BMP2K: variants seen among roughly 807,000 people sequenced by gnomAD.
The protein encoded by BMP2K is BMP2 inducible kinase.
Under a neutral mutation model 116.0 loss-of-function variants are expected in BMP2K, and 74 were observed. The observed-to-expected ratio is 0.64, with a 90% confidence interval of 0.53 to 0.77. The LOEUF is 0.77. Ranked by LOEUF, BMP2K falls within the 30% of genes least tolerant of loss-of-function variation. BMP2K has a pLI of 0.00. For synonymous variants in BMP2K, 486 were observed against 502.5 expected (o/e 0.97, Z 0.44); for missense variants, 1,365 against 1,403.6 (o/e 0.97, Z 0.44).
chr4:78,826,161 T>A lies in BMP2K; in HGVS notation c.297+6T>A. 6.3e-7 allele frequency: 1 copy of A among 1,591,528 alleles called. No homozygotes were observed. Among genetic ancestry groups the A allele is most frequent in the Non-Finnish European group, 8.6e-7 (1 of 1,161,188 alleles). ...AAAGGGAAATTACAATTATGGTAAG[T>A]GAAGGAGTAGTTCTCTTTCAGAAAT... is the stretch of plus-strand genomic sequence containing the variant. On this transcript the variant is annotated splice_donor_region_variant and intron_variant, in intron 2 of 15. Transcript: ENST00000502613.
intron 1 of BMP2K, among the ~76,000 whole-genome samples, chr4:78,796,153 A>G (rs1028083389): frequency 6.6e-6 from 1 of 152,164 alleles, no homozygotes; most frequent in African/African-American, 2.4e-5. Flanking sequence ...AATGTCCAAC[A>G]ATGATAGACT....
rs138988388 is a variant in BMP2K at position 78,865,651 on chromosome 4, A to C, written c.1162A>C (p.Thr388Pro). 4.6e-4 allele frequency: 750 copies of C among 1,614,150 alleles called. 3 individuals carry two copies. The highest frequency in any genetic ancestry group is 3.6e-3 in the South Asian group (325 of 91,082). The change falls in exon 10 of 16, where the codon ACC (threonine) becomes CCC (proline). Residue 388 changes from threonine (T) to proline (P), a missense_variant. Physicochemically the swap from Thr to Pro is conservative, Grantham distance 38 (BLOSUM62 -1). Coordinates refer to ENST00000502613, the MANE Select transcript of BMP2K (RefSeq NM_198892.2). The stretch of plus-strand genomic sequence containing the variant: ...TACTACTGCCACTCCCAGTGTGCTG[A>C]CCATTCAAAGTTCAGCAACACCTGT... ...SATTATPSVL[T>P]IQSSATPVKV... is the part of the protein sequence containing the mutation.
intron 14 of BMP2K, among the ~76,000 whole-genome samples, chr4:78,882,841 A>C (rs901485920): frequency 6.6e-6 from 1 of 152,044 alleles, no homozygotes; most frequent in Non-Finnish European, 1.5e-5. Flanking sequence ...GATAATGGCT[A>C]TAAGCATCTG....
In BMP2K at chr4:78,873,656, CTCTGTGTGTG is replaced by C. The variant is rs1176781889; in HGVS notation, c.1793+860_1793+869del. On this transcript the variant is annotated intron_variant, in intron 13 of 15. Transcript: ENST00000502613. Reference sequence around the variant, plus strand: ...AGTTTGCTATAGAATGCCTCCCAACCTCTGTGTGTGTGTGTGTGTGTGTGTGTGTGTGTGT... The same window carrying C: ...AGTTTGCTATAGAATGCCTCCCAACCTGTGTGTGTGTGTGTGTGTGTGTGT... Among the ~76,000 whole-genome samples, 433 of 138,192 alleles carry C rather than the reference CTCTGTGTGTG, an allele frequency of 3.1e-3. 2 individuals are homozygous for C. Among genetic ancestry groups the C allele is most frequent in the African/African-American group, 0.011 (403 of 35,498 alleles). The allele number at this position is 138,192 out of a possible 152,430, so 90.7% of individuals were successfully genotyped here.
chr4:78,816,767 T>A (rs756681389), intron 1 of BMP2K, among the ~76,000 whole-genome samples: 9 of 152,294 alleles, frequency 5.9e-5, no homozygotes, highest in Non-Finnish European at 1.2e-4. Context: ...TTCCCTCTTA[T>A]GGGAAATCAG....
chr4:78,805,399 G>A (rs1728768350), intron 1 of BMP2K, among the ~76,000 whole-genome samples: 1 of 152,006 alleles, frequency 6.6e-6, no homozygotes, highest in Admixed American at 6.6e-5. Flanking sequence ...TGGGTCCTTT[G>A]AATTTTCATA....
At chr4:78,898,739 C>G (rs1303924513) in intron 15 of BMP2K, 1 of 150,614 alleles carries the variant, frequency 6.6e-6, no homozygotes, top group Non-Finnish European at 1.5e-5. Context: ...TGAGAAATAA[C>G]TTTATATGTA....
chr4:78,909,055 CTTTTTTTTTTTTT>C (rs1053664659), intron 15 of BMP2K, among the ~76,000 whole-genome samples: 1 of 94,412 alleles, frequency 1.1e-5, no homozygotes, highest in East Asian at 3.3e-4. Flanking sequence ...TTCCCTTAGT[CTTTTTTTTTTTTT>C]TTTTTTTTTT....
At position 78,854,139 on chromosome 4, in the gene BMP2K, G is replaced by T. The variant is rs372779892; in HGVS notation, c.883+3083G>T. The stretch of plus-strand genomic sequence containing the variant: ...TTACCTCCTTATTTTGTGCAGTAAG[G>T]TAATGATGAACACCAGGTAAAAGCT... On this transcript the variant is annotated intron_variant, in intron 7 of 15. Transcript: ENST00000502613. Among the ~76,000 whole-genome samples, 116 of 147,108 alleles carry T rather than the reference G, an allele frequency of 7.9e-4. 1 individual carries two copies. In the East Asian group the frequency reaches 0.021, roughly 27 times the overall value.
intron 1 of BMP2K, among the ~76,000 whole-genome samples, chr4:78,806,186 A>C (rs1304928798): frequency 6.6e-6 from 1 of 151,664 alleles, no homozygotes; most frequent in East Asian, 1.9e-4. Flanking sequence ...ATATATTTAA[A>C]TTTTTAGGAT....
chr4:78,851,282 T>TA (rs1181166793), intron 7 of BMP2K, among the ~76,000 whole-genome samples: 2 of 152,056 alleles, frequency 1.3e-5, no homozygotes, highest in African/African-American at 4.8e-5. Context: ...TAAGATTTAG[T>TA]AGCACACACC....
chr4:78,870,761 A>G (rs773315901), intron 10 of BMP2K, 22 bp from the exon 11 acceptor site: 1 of 1,591,054 alleles, frequency 6.3e-7, no homozygotes. Context: ...ATGTTAATGT[A>G]AGTGTTTGGA....
At chr4:78,892,983 A>C (rs753198881) in intron 15 of BMP2K, among the ~76,000 whole-genome samples, 5 of 152,166 alleles carry the variant, frequency 3.3e-5, no homozygotes, top group Non-Finnish European at 7.4e-5. Flanking sequence ...AAATAAGACA[A>C]TGATTAAGTT....
chr4:78,904,822 C>CA (rs1734204319), intron 15 of BMP2K, among the ~76,000 whole-genome samples: 1 of 151,752 alleles, frequency 6.6e-6, no homozygotes, highest in Admixed American at 6.6e-5. Context: ...TCAATAAGAG[C>CA]ATAATTATTA....
intron 1 of BMP2K, among the ~76,000 whole-genome samples, chr4:78,785,795 C>T (rs575090042): frequency 1.3e-5 from 2 of 152,266 alleles, no homozygotes; most frequent in South Asian, 2.1e-4. Flanking sequence ...TAATACATCT[C>T]GTTTAGAGAA....
At chr4:78,825,462 T>C (rs561828200) in intron 1 of BMP2K, among the ~76,000 whole-genome samples, 1 of 152,320 alleles carries the variant, frequency 6.6e-6, no homozygotes, top group African/African-American at 2.4e-5. Flanking sequence ...ACCAGTCTTT[T>C]ATCTATGGAA....
At chr4:78,819,312 C>T (rs1729506718) in intron 1 of BMP2K, among the ~76,000 whole-genome samples, 1 of 152,136 alleles carries the variant, frequency 6.6e-6, no homozygotes, top group Non-Finnish European at 1.5e-5. Context: ...TCCTTGGCCT[C>T]CCAAAGTGCT....
chr4:78,806,626 C>G (rs1728833573), intron 1 of BMP2K, among the ~76,000 whole-genome samples: 1 of 151,962 alleles, frequency 6.6e-6, no homozygotes, highest in Non-Finnish European at 1.5e-5. Context: ...ATATATATAC[C>G]TGCTGTGTAT....
chr4:78,907,840 C>T (rs1369388114), intron 15 of BMP2K, among the ~76,000 whole-genome samples: 3 of 152,060 alleles, frequency 2.0e-5, no homozygotes, highest in Non-Finnish European at 4.4e-5. Context: ...TTGGAGGTGT[C>T]CGTGAGCAGG....
Sources: allele counts gnomAD v4.1 joint callset (sites outside exome capture counted in the v4.1 genomes callset), GRCh38; gene constraint gnomAD v4.1.1; transcripts MANE v1.5; gene names NCBI Gene and HGNC (gene_info 2026-07-23, HGNC 2026-07-21).